The following CLEC2D variants were observed in gnomAD, a reference collection of about 807,000 sequenced individuals.
CLEC2D encodes C-type lectin related f.
A neutral mutation model predicts 20.0 loss-of-function variants in CLEC2D; 16 were observed. The observed-to-expected ratio is 0.80, with a 90% CI of 0.54 to 1.22. CLEC2D has a LOEUF of 1.22. Ranked by LOEUF, CLEC2D falls within the 50% of genes most tolerant of loss-of-function variation. The probability of loss-of-function intolerance (pLI) is 0.00; values close to 1 mark genes in which losing one functional copy is unlikely to be tolerated. For synonymous variants in CLEC2D, 77 were observed against 71.1 expected, an observed-to-expected ratio of 1.08 and a Z score of -0.42; for missense variants, 207 against 221.5, an observed-to-expected ratio of 0.93 and a Z score of 0.42.
intron 1 of CLEC2D, among the ~76,000 whole-genome samples, chr12:9,674,834 C>G (rs905439906): frequency 6.6e-6 from 1 of 152,080 alleles, no homozygotes; most frequent in Non-Finnish European, 1.5e-5. Context: ...TTTATCAGTT[C>G]TTTCTTTCAT....
chr12:9,673,610 T>C (rs1865465241), intron 1 of CLEC2D, among the ~76,000 whole-genome samples: 1 of 152,226 alleles, frequency 6.6e-6, no homozygotes, highest in Non-Finnish European at 1.5e-5. Context: ...GGAATCCCAC[T>C]CATCGGGTTC....
At chr12:9,688,188 TG>T in intron 3 of CLEC2D, 102 bp downstream of exon 3, 2 of 1,184,226 alleles carry the variant, frequency 1.7e-6, no homozygotes, top group Non-Finnish European at 2.1e-6. Flanking sequence ...GCTTTTACAT[TG>T]ATTTTTTTTT....
chr12:9,694,632 T>C, intron 4 of CLEC2D, 128 bp from the exon 5 acceptor site: 1 of 645,600 alleles, frequency 1.5e-6, no homozygotes, highest in Non-Finnish European at 2.8e-6. Context: ...TAGTCACCAC[T>C]ACACAAGGAA....
In CLEC2D at chr12:9,669,778, A is replaced by C. The variant is rs765686174; in HGVS notation, c.44A>C (p.Glu15Ala). 1 of 1,613,750 alleles carries C rather than the reference A, an allele frequency of 6.2e-7. No individual in the cohort carries two copies. Among genetic ancestry groups the C allele is most frequent in the Non-Finnish European group, 8.5e-7 (1 of 1,179,664 alleles). The part of the protein sequence containing the change: ...NNVEKDITPS[E>A]LPANPGCLHS... The stretch of plus-strand genomic sequence containing the variant: ...GTGGAGAAAGACATTACACCATCTG[A>C]ATTGCCTGCAAACCCAGGTAAGAAG... The change falls in exon 1 of 5, where the codon GAA becomes GCA. Residue 15 changes from glutamate to alanine, a missense_variant. Transcript: ENST00000290855.
In CLEC2D at chr12:9,688,197, T is replaced by A; in HGVS notation, c.357+111T>A. ...ACATCTGCTTTTACATTGATTTTTT[T>A]TTTTTTTTTTTTTTTTTGCATAACG... On this transcript the variant is annotated intron_variant, in intron 3 of 4. Transcript: ENST00000290855. 4.7e-6 allele frequency: 5 copies of A among 1,060,046 alleles called. No individual in the cohort carries two copies. The South Asian group carries it at 8.5e-5, about 18-fold the overall frequency. 65.7% of individuals were successfully genotyped at this position (1,060,046 alleles called of 1,614,324 possible). A position where few individuals can be genotyped will look rare whatever the true frequency, so the allele number is the denominator to read the frequency against.
Position 9,699,331 on chromosome 12 carries a change from T to C in CLEC2D, c.*4457T>C, listed in dbSNP as rs1323039597. On this transcript the variant is annotated 3_prime_UTR_variant, in exon 5 of 5. Coordinates refer to ENST00000290855, the MANE Select transcript of CLEC2D (RefSeq NM_013269.6). ...CAGCATATTTTTTAACTTTTAATTA[T>C]TCTTAATGGAAAGACACTTCTGTAT... 6.6e-6 allele frequency: 1 copy of C among 152,176 alleles called. No homozygotes were observed. Among genetic ancestry groups the C allele is most frequent in the Non-Finnish European group, 1.5e-5 (1 of 68,032 alleles). The allele number at this position is 152,176 out of a possible 1,614,324, so 9.4% of individuals were successfully genotyped here.
intron 1 of CLEC2D, among the ~76,000 whole-genome samples, chr12:9,676,526 C>T (rs1865523436): frequency 6.6e-6 from 1 of 152,030 alleles, no homozygotes; most frequent in Non-Finnish European, 1.5e-5. Flanking sequence ...ATAAATTTAA[C>T]TTCATCACAG....
At chr12:9,671,798 G>T (rs1476304943) in intron 1 of CLEC2D, among the ~76,000 whole-genome samples, 2 of 152,144 alleles carry the variant, frequency 1.3e-5, no homozygotes, top group Non-Finnish European at 2.9e-5. Flanking sequence ...CTAGAGGAGG[G>T]AAATTTAAAT....
At chr12:9,689,939 A>G (rs1446951045) in intron 3 of CLEC2D, among the ~76,000 whole-genome samples, 1 of 152,114 alleles carries the variant, frequency 6.6e-6, no homozygotes, top group East Asian at 1.9e-4. Flanking sequence ...GAAGCAGAGA[A>G]ATACACTTAA....
At chr12:9,677,761 G>A (rs1865554552) in intron 1 of CLEC2D, among the ~76,000 whole-genome samples, 1 of 131,378 alleles carries the variant, frequency 7.6e-6, no homozygotes, top group South Asian at 2.4e-4. Context: ...GTCTCGCTCT[G>A]TCACCCAGAC....
chr12:9,674,830 A>C (rs1865490288), intron 1 of CLEC2D, among the ~76,000 whole-genome samples: 1 of 152,162 alleles, frequency 6.6e-6, no homozygotes, highest in African/African-American at 2.4e-5. Context: ...CCAGTTTATC[A>C]GTTCTTTCTT....
In CLEC2D at chr12:9,696,299, G is replaced by T. The variant is rs867532288; in HGVS notation, c.*1425G>T. 4.4e-6 allele frequency: 3 copies of T among 675,608 alleles called. No individual in the cohort carries two copies. Among genetic ancestry groups the T allele is most frequent in the African/African-American group, 3.5e-5 (2 of 57,032 alleles). 41.9% of individuals were successfully genotyped at this position (675,608 alleles called of 1,614,324 possible). A position where few individuals can be genotyped will look rare whatever the true frequency, so the allele number is the denominator to read the frequency against. ...TCATTTCTGTAACAGTTGATATCTG[G>T]CTGTCCTTTTTATAGTGCAGAGTGA... On this transcript the variant is annotated 3_prime_UTR_variant, in exon 5 of 5. Transcript: ENST00000290855.
chr12:9,677,364 A>G (rs1413989896), intron 1 of CLEC2D, among the ~76,000 whole-genome samples: 1 of 151,968 alleles, frequency 6.6e-6, no homozygotes, highest in Non-Finnish European at 1.5e-5. Context: ...TTCTTCCTTG[A>G]CCCATATGTT....
At chr12:9,683,125 G>C (rs1232804212) in intron 2 of CLEC2D, among the ~76,000 whole-genome samples, 1 of 151,930 alleles carries the variant, frequency 6.6e-6, no homozygotes, top group Admixed American at 6.6e-5. Context: ...TCATATATTT[G>C]TTGGCCACAT....
At position 9,680,938 on chromosome 12, in the gene CLEC2D, A is replaced by G; in HGVS notation, c.77A>G (p.Lys26Arg). 3 of 1,576,042 alleles carry G rather than the reference A, an allele frequency of 1.9e-6. No individual in the cohort carries two copies. Among genetic ancestry groups the G allele is most frequent in the Non-Finnish European group, 2.6e-6 (3 of 1,147,130 alleles). Reference sequence around the variant, plus strand: ...TTTTTTCCAGGTTGTCTGCATTCAAAAGAGCATTCTATTAAAGCTACCTTA... The same window carrying G: ...TTTTTTCCAGGTTGTCTGCATTCAAGAGAGCATTCTATTAAAGCTACCTTA... ...LPANPGCLHS[K>R]EHSIKATLIW... The change falls in exon 2 of 5, where the codon AAA becomes AGA. Residue 26 changes from lysine (K) to arginine (R), a missense_variant. Coordinates refer to ENST00000290855, the MANE Select transcript of CLEC2D (RefSeq NM_013269.6).
intron 4 of CLEC2D, chr12:9,693,730 A>G (rs907092221): frequency 2.5e-6 from 1 of 399,772 alleles, no homozygotes; most frequent in Non-Finnish European, 4.9e-6. Flanking sequence ...ATAAATATCT[A>G]GAATTAACTT....
chr12:9,687,884 T>C lies in CLEC2D; in HGVS notation c.173-18T>C. The C allele has an allele frequency of 6.9e-7, 1 of 1,448,970 alleles. No individual in the cohort carries two copies. Among genetic ancestry groups the C allele is most frequent in the Non-Finnish European group, 9.2e-7 (1 of 1,087,862 alleles). The allele number at this position is 1,448,970 out of a possible 1,614,324, so 89.8% of individuals were successfully genotyped here. On this transcript the variant is annotated intron_variant, in intron 2 of 4. Transcript: ENST00000290855. ...AAGTAAGAAATTTTTATTTTATTTA[T>C]TTTTATTTTATTTTCAGCAATAAGA... is the stretch of plus-strand genomic sequence containing the variant.
At position 9,695,303 on chromosome 12, in the gene CLEC2D, G is replaced by T. The variant is rs965855607; in HGVS notation, c.*429G>T. ...GTATGGGGCTCCCTGGTGTGATTCC[G>T]TCCTGCGCGGCTGTTCTCTGGAGCA... is the stretch of plus-strand genomic sequence containing the variant. On this transcript the variant is annotated 3_prime_UTR_variant, in exon 5 of 5. Coordinates refer to ENST00000290855, the MANE Select transcript of CLEC2D (RefSeq NM_013269.6). 2.6e-6 allele frequency: 2 copies of T among 767,992 alleles called. No homozygotes were observed. The highest frequency in any genetic ancestry group is 4.6e-6 in the Non-Finnish European group (2 of 437,180). The allele number at this position is 767,992 out of a possible 1,614,324, so 47.6% of individuals were successfully genotyped here.
At chr12:9,670,532 A>G (rs1241760525) in intron 1 of CLEC2D, among the ~76,000 whole-genome samples, 2 of 152,206 alleles carry the variant, frequency 1.3e-5, no homozygotes, top group Non-Finnish European at 2.9e-5. Flanking sequence ...CAAATGCTTT[A>G]AACTGTTTGT....
Sources: allele counts gnomAD v4.1 joint callset (sites outside exome capture counted in the v4.1 genomes callset), GRCh38; gene constraint gnomAD v4.1.1; transcripts MANE v1.5; gene names NCBI Gene and HGNC (gene_info 2026-07-23, HGNC 2026-07-21).